Variants in SLC22A23 observed in about 807,000 individuals in gnomAD.
SLC22A23 encodes the protein ion transporter protein.
In SLC22A23, 26 loss-of-function variants were observed where a neutral mutation model predicts 61.0. That is an observed-to-expected ratio of 0.43 (90% CI 0.31 to 0.59). The LOEUF (loss-of-function observed/expected upper bound fraction) is 0.59, where lower values mean the gene tolerates loss of function less well. SLC22A23 is among the 20% of genes least tolerant of loss of function. The pLI, the probability that SLC22A23 is intolerant of heterozygous loss-of-function variation, is 0.11. For missense variants in SLC22A23, 796 were observed against 934.7 expected (o/e 0.85, Z 1.94); for synonymous variants, 430 against 413.9 (o/e 1.04, Z -0.47).
chr6:3,366,962 G>A (rs192163162), intron 3 of SLC22A23, among the ~76,000 whole-genome samples: 1 of 152,186 alleles, frequency 6.6e-6, no homozygotes, highest in East Asian at 1.9e-4. Flanking sequence ...GGAAGGACAG[G>A]GGGGATTAAC....
chr6:3,345,363 CTTTTTTTTTTT>C (rs1163840651), intron 3 of SLC22A23, among the ~76,000 whole-genome samples: 2 of 124,774 alleles, frequency 1.6e-5, no homozygotes, highest in Admixed American at 1.7e-4. Flanking sequence ...TATCTCTTTT[CTTTTTTTTTTT>C]TTTTTTTTGA....
At chr6:3,359,046 A>G (rs1035847714) in intron 3 of SLC22A23, among the ~76,000 whole-genome samples, 8 of 152,240 alleles carry the variant, frequency 5.3e-5, no homozygotes, top group African/African-American at 1.9e-4. Flanking sequence ...AAGAGAGAAT[A>G]GGGAATTCAA....
At position 3,398,935 on chromosome 6, in the gene SLC22A23, G is replaced by A. The variant is rs146815751; in HGVS notation, c.913+11253C>T. Among the ~76,000 whole-genome samples, 85 of 152,214 alleles carry A rather than the reference G, an allele frequency of 5.6e-4. No individual in the cohort carries two copies. The East Asian group carries it at 0.013, about 24-fold the overall frequency. On this transcript the variant is annotated intron_variant, in intron 3 of 9. Coordinates refer to ENST00000406686, the MANE Select transcript of SLC22A23 (RefSeq NM_015482.2). ...TCTCTGATACTCAGGAGGCTGAGGC[G>A]GGAAGATCCTTTGAGGCCAGGAGGT...
At position 3,390,912 on chromosome 6, in the gene SLC22A23, T is replaced by A. The variant is rs1767621014; in HGVS notation, c.913+19276A>T. Among the ~76,000 whole-genome samples, 1 of 152,242 alleles carries A rather than the reference T, an allele frequency of 6.6e-6. No homozygotes were observed. Among genetic ancestry groups the A allele is most frequent in the Non-Finnish European group, 1.5e-5 (1 of 68,036 alleles). On this transcript the variant is annotated intron_variant, in intron 3 of 9. Transcript: ENST00000406686. The surrounding 1 kb of genome is among the most constrained non-coding windows in gnomAD (Gnocchi z 4.0). The stretch of plus-strand genomic sequence containing the variant: ...TCTGAGGGAACCATGACACTTACTG[T>A]TGATGTTGGCGCCTCTTTTTCCGTG...
chr6:3,448,438 C>T (rs1189574799), intron 1 of SLC22A23, among the ~76,000 whole-genome samples: 1 of 152,212 alleles, frequency 6.6e-6, no homozygotes, highest in Non-Finnish European at 1.5e-5. Context: ...CACACACCAC[C>T]AGTTTGTGGC....
intron 3 of SLC22A23, among the ~76,000 whole-genome samples, chr6:3,363,756 TG>T (rs1936137847): frequency 6.6e-6 from 1 of 152,034 alleles, no homozygotes; most frequent in Admixed American, 6.5e-5. Flanking sequence ...TTTTCTGGGG[TG>T]GTGGTGGGAG....
At chr6:3,316,247 A>G (rs28690797) in intron 4 of SLC22A23, among the ~76,000 whole-genome samples, 46,950 of 152,158 alleles carry the variant, frequency 0.31, 8,303 homozygotes, top group East Asian at 0.59. Flanking sequence ...TGGTTCCCCC[A>G]CCTACAAATA....
chr6:3,415,020 T>C (rs1397490228), intron 2 of SLC22A23, among the ~76,000 whole-genome samples: 2 of 152,240 alleles, frequency 1.3e-5, no homozygotes, highest in East Asian at 3.8e-4. Flanking sequence ...CTTACACTTC[T>C]CTGCTTTTTC....
At position 3,338,671 on chromosome 6, in the gene SLC22A23, G is replaced by A. The variant is rs188586764; in HGVS notation, c.914-14669C>T. 2.2e-4 allele frequency among the ~76,000 whole-genome samples: 34 copies of A among 152,340 alleles called. No homozygotes were observed. In the East Asian group the frequency reaches 3.7e-3, roughly 16 times the overall value. On this transcript the variant is annotated intron_variant, in intron 3 of 9. Coordinates refer to ENST00000406686, the MANE Select transcript of SLC22A23 (RefSeq NM_015482.2). ...CAGGTTCTAAACCTAAAAGGGTAGA[G>A]GAAAACATTTTTTCTTCCCTTTTAG...
At chr6:3,344,003 C>T (rs1024315592) in intron 3 of SLC22A23, among the ~76,000 whole-genome samples, 1 of 152,164 alleles carries the variant, frequency 6.6e-6, no homozygotes, top group Non-Finnish European at 1.5e-5. Flanking sequence ...GAATGGTACA[C>T]GAATTAGAAT....
Position 3,441,826 on chromosome 6 carries a change from T to C in SLC22A23, c.654+14080A>G, listed in dbSNP as rs574891574. Among the ~76,000 whole-genome samples, 4 of 152,208 alleles carry C rather than the reference T, an allele frequency of 2.6e-5. No individual in the cohort carries two copies. The South Asian group carries it at 8.3e-4, about 32-fold the overall frequency. On this transcript the variant is annotated intron_variant, in intron 1 of 9. Coordinates refer to ENST00000406686, the MANE Select transcript of SLC22A23 (RefSeq NM_015482.2). The stretch of plus-strand genomic sequence containing the variant: ...GCTCCCTTCTCCAGGGCAGACACGA[T>C]CTTCTACCCATCTGTGACACCAGCC...
intron 4 of SLC22A23, among the ~76,000 whole-genome samples, chr6:3,299,710 G>A (rs1025961674): frequency 6.6e-6 from 1 of 152,236 alleles, no homozygotes; most frequent in Non-Finnish European, 1.5e-5. Flanking sequence ...AGGGTGAAAT[G>A]GTCTCTCCTC....
chr6:3,290,730 G>C (rs995566620), intron 5 of SLC22A23: 2 of 152,542 alleles, frequency 1.3e-5, no homozygotes, highest in African/African-American at 4.8e-5. Context: ...GAATGGTGGG[G>C]GTGCTGGCCT....
intron 1 of SLC22A23, among the ~76,000 whole-genome samples, chr6:3,443,507 C>T (rs1045722481): frequency 7.9e-5 from 12 of 152,152 alleles, no homozygotes; most frequent in African/African-American, 2.9e-4. Context: ...GCTCAAGTAG[C>T]CAGCAGGTGA....
intron 9 of SLC22A23, among the ~76,000 whole-genome samples, chr6:3,281,268 T>C (rs1759452344): frequency 6.6e-6 from 1 of 152,216 alleles, no homozygotes; most frequent in East Asian, 1.9e-4. Flanking sequence ...ATCAGAGCTG[T>C]GCACTGGCTG....
In SLC22A23 at chr6:3,272,437, T is replaced by G. The variant is rs911366713; in HGVS notation, c.*618A>C. The G allele has an allele frequency of 1.3e-5, 2 of 152,732 alleles. No individual in the cohort carries two copies. Among genetic ancestry groups the G allele is most frequent in the Non-Finnish European group, 2.9e-5 (2 of 68,040 alleles). The allele number at this position is 152,732 out of a possible 1,614,324, so 9.5% of individuals were successfully genotyped here. A position where few individuals can be genotyped will look rare whatever the true frequency, so the allele number is the denominator to read the frequency against. ...GATGATCCTGAAGGAAAGATGAAGC[T>G]GGTTTTAACGGCGTCTGTGAGCTGC... On this transcript the variant is annotated 3_prime_UTR_variant, in exon 10 of 10. Transcript: ENST00000406686.
At chr6:3,402,502 A>G (rs1768485309) in intron 3 of SLC22A23, among the ~76,000 whole-genome samples, 1 of 151,570 alleles carries the variant, frequency 6.6e-6, no homozygotes, top group Admixed American at 6.6e-5. Flanking sequence ...ACTAGGCCCC[A>G]GCCAACCCCA....
At chr6:3,413,428 G>A (rs1769415278) in intron 2 of SLC22A23, among the ~76,000 whole-genome samples, 1 of 152,208 alleles carries the variant, frequency 6.6e-6, no homozygotes, top group South Asian at 2.1e-4. Flanking sequence ...GTCCTCTGTG[G>A]AAGCCCATAC....
At chr6:3,282,078 G>T (rs1442009216) in intron 9 of SLC22A23, among the ~76,000 whole-genome samples, 1 of 152,134 alleles carries the variant, frequency 6.6e-6, no homozygotes, top group African/African-American at 2.4e-5. Context: ...GTACCCGCTA[G>T]CCACCCCCTC....
Sources: allele counts gnomAD v4.1 joint callset (sites outside exome capture counted in the v4.1 genomes callset), GRCh38; gene constraint gnomAD v4.1.1; non-coding constraint Gnocchi (gnomAD v3.1); transcripts MANE v1.5; gene names NCBI Gene and HGNC (gene_info 2026-07-23, HGNC 2026-07-21).